The following PDE10A variants were observed in gnomAD, a reference collection of about 807,000 sequenced individuals.
The protein encoded by PDE10A is cAMP and cAMP-inhibited cGMP 3',5'-cyclic phosphodiesterase 10A.
Under a neutral mutation model 97.7 loss-of-function variants are expected in PDE10A, and 39 were observed. The observed-to-expected ratio is 0.40, with a 90% CI of 0.31 to 0.52. The LOEUF is 0.52. Ranked by LOEUF, PDE10A falls within the 20% of genes least tolerant of loss-of-function variation. The pLI is 0.56. For missense variants in PDE10A, 731 were observed against 1,047.8 expected (o/e 0.70, Z 4.17); for synonymous variants, 371 against 376.8 (o/e 0.98, Z 0.18).
rs114447851 is a variant in PDE10A at position 165,741,699 on chromosome 6, C to T, written c.-614-198131G>A. Among the ~76,000 whole-genome samples, 377 of 152,032 alleles carry T rather than the reference C, an allele frequency of 2.5e-3. 3 individuals carry two copies. The highest frequency in any genetic ancestry group is 8.6e-3 in the African/African-American group (358 of 41,452). On this transcript the variant is annotated intron_variant, in intron 1 of 19. Transcript: ENST00000366882. ...CATATATAGTAAATTTTAAAATATG[C>T]ATGCCAATGAAAACTACTAAATTCA...
chr6:165,370,006 AT>A (rs144972706), intron 18 of PDE10A, among the ~76,000 whole-genome samples: 70,808 of 151,620 alleles, frequency 0.47, 17,417 homozygotes, highest in African/African-American at 0.63. Flanking sequence ...GAGAAATAAA[AT>A]ACTTTACAGA....
At chr6:165,576,396 C>T (rs374067727) in intron 1 of PDE10A, 8 of 780,664 alleles carry the variant, frequency 1.0e-5, no homozygotes, top group East Asian at 4.8e-5. Context: ...TTGCTGGCTT[C>T]GTGTCCTCTA....
chr6:165,753,231 G>A lies in PDE10A; in HGVS notation c.-614-209663C>T, dbSNP rs188343721. Among the ~76,000 whole-genome samples the A allele has an allele frequency of 3.3e-5, 5 of 152,306 alleles. No individual in the cohort carries two copies. In the East Asian group the frequency reaches 7.7e-4, roughly 23 times the overall value. On this transcript the variant is annotated intron_variant, in intron 1 of 19. Coordinates refer to the PDE10A transcript ENST00000366882. ...TAGCCATTAGAAATGCAACTTATAA[G>A]TTGATGTCATCTAGTGTTGAATTTT...
intron 17 of PDE10A, among the ~76,000 whole-genome samples, chr6:165,385,281 G>A (rs748482162): frequency 2.6e-5 from 4 of 152,170 alleles, no homozygotes; most frequent in Non-Finnish European, 5.9e-5. Context: ...TGCCACCACA[G>A]AGATATAAAA....
At chr6:165,538,793 A>G (rs1783249779) in intron 2 of PDE10A, among the ~76,000 whole-genome samples, 1 of 152,178 alleles carries the variant, frequency 6.6e-6, no homozygotes, top group South Asian at 2.1e-4. Flanking sequence ...AAAACAATGG[A>G]CCTTCATTAT....
At chr6:165,914,315 T>C (rs1782545951) in intron 1 of PDE10A, among the ~76,000 whole-genome samples, 2 of 152,234 alleles carry the variant, frequency 1.3e-5, no homozygotes, top group African/African-American at 4.8e-5. Flanking sequence ...CAACTTAAAG[T>C]TGCCCTCCAA....
intron 1 of PDE10A, among the ~76,000 whole-genome samples, chr6:165,656,030 G>A (rs1481733691): frequency 7.2e-5 from 11 of 151,990 alleles, no homozygotes; most frequent in Non-Finnish European, 1.2e-4. Flanking sequence ...GCCACTCTCC[G>A]TGTGCATTCG....
chr6:165,539,947 T>C (rs555231367), intron 2 of PDE10A, among the ~76,000 whole-genome samples: 8 of 130,110 alleles, frequency 6.1e-5, no homozygotes, highest in South Asian at 2.3e-4. Context: ...ATCAATTATA[T>C]AATATCTTCC....
intron 1 of PDE10A, among the ~76,000 whole-genome samples, chr6:165,865,165 G>A (rs1036938480): frequency 6.6e-6 from 1 of 152,112 alleles, no homozygotes; most frequent in Non-Finnish European, 1.5e-5. Flanking sequence ...CTTAGCCACT[G>A]AAAAACTCAC....
At chr6:165,749,389 T>C (rs1348667711) in intron 1 of PDE10A, among the ~76,000 whole-genome samples, 2 of 59,472 alleles carry the variant, frequency 3.4e-5, no homozygotes, top group African/African-American at 1.1e-4. Flanking sequence ...ACCACCATCA[T>C]CACCATTACC....
intron 13 of PDE10A, among the ~76,000 whole-genome samples, chr6:165,406,019 C>T (rs1449371932): frequency 6.6e-6 from 1 of 151,638 alleles, no homozygotes; most frequent in African/African-American, 2.4e-5. Context: ...GTGGAACGAA[C>T]AAATGTCCAT....
chr6:165,866,549 G>A (rs1393831081), intron 1 of PDE10A, among the ~76,000 whole-genome samples: 1 of 151,414 alleles, frequency 6.6e-6, no homozygotes, highest in Non-Finnish European at 1.5e-5. Flanking sequence ...GCTGCATTTA[G>A]AATAATAATG....
chr6:165,621,510 C>G lies in PDE10A; in HGVS notation c.865+40437G>C, dbSNP rs1788132942. Among the ~76,000 whole-genome samples, 3 of 152,244 alleles carry G rather than the reference C, an allele frequency of 2.0e-5. No homozygotes were observed. In the South Asian group the frequency reaches 6.2e-4, roughly 32 times the overall value. On this transcript the variant is annotated intron_variant, in intron 1 of 21. Coordinates refer to ENST00000539869, the MANE Select transcript of PDE10A (RefSeq NM_001385079.1). ...CAGTGGCTCACGCCTGTAATCCCAGCACTTTGGAAGGCTGAGGCAGGTGGA... is the reference window on the plus strand; with the variant it reads ...CAGTGGCTCACGCCTGTAATCCCAGGACTTTGGAAGGCTGAGGCAGGTGGA...
chr6:165,958,489 A>G (rs530825215), intron 1 of PDE10A, among the ~76,000 whole-genome samples: 18 of 140,456 alleles, frequency 1.3e-4, no homozygotes, highest in Admixed American at 4.7e-4. Flanking sequence ...AGAGAGAAAG[A>G]GAGAAAGACA....
At chr6:165,786,412 A>G (rs1392953911) in intron 1 of PDE10A, among the ~76,000 whole-genome samples, 2 of 152,240 alleles carry the variant, frequency 1.3e-5, no homozygotes, top group African/African-American at 4.8e-5. Flanking sequence ...TTTCCAAAAC[A>G]TCACTAACTC....
Position 165,358,074 on chromosome 6 carries a change from T to C in PDE10A, c.2784-14572A>G, listed in dbSNP as rs1177654178. Among the ~76,000 whole-genome samples, 7 of 152,126 alleles carry C rather than the reference T, an allele frequency of 4.6e-5. No homozygotes were observed. The East Asian group carries it at 1.3e-3, about 29-fold the overall frequency. On this transcript the variant is annotated intron_variant, in intron 18 of 21. Transcript: ENST00000539869. Reference sequence around the variant, plus strand: ...CCCGTGGAGTGTCTCTTTTGACTCATGGGTTATTTAGAAGTATACTGTTTA... The same window carrying C: ...CCCGTGGAGTGTCTCTTTTGACTCACGGGTTATTTAGAAGTATACTGTTTA...
intron 1 of PDE10A, among the ~76,000 whole-genome samples, chr6:165,720,140 T>A (rs59423505): frequency 0.01 from 1,596 of 152,226 alleles, 31 homozygotes; most frequent in African/African-American, 0.037. Context: ...ACAGCAGAAA[T>A]AAGAGGCTTG....
rs747807079 is a variant in PDE10A at position 165,364,667 on chromosome 6, C to A, written c.2783+14527G>T. Among the ~76,000 whole-genome samples, 9 of 151,950 alleles carry A rather than the reference C, an allele frequency of 5.9e-5. No individual in the cohort carries two copies. In the South Asian group the frequency reaches 1.0e-3, roughly 17 times the overall value. ...CCAAAACTTAAAATTAGTGTAATTA[C>A]ACCTAAATAAAGTTGCTTTAACAAT... On this transcript the variant is annotated intron_variant, in intron 18 of 21. Coordinates refer to ENST00000539869, the MANE Select transcript of PDE10A (RefSeq NM_001385079.1).
intron 1 of PDE10A, among the ~76,000 whole-genome samples, chr6:165,871,583 G>C (rs1781205495): frequency 6.6e-6 from 1 of 152,200 alleles, no homozygotes; most frequent in Admixed American, 6.5e-5. Flanking sequence ...AGTAAGACTA[G>C]TTTAGGATAA....
Sources: gnomAD v4.1 joint callset for allele counts (sites outside exome capture counted in the v4.1 genomes callset) on GRCh38, gnomAD v4.1.1 for gene constraint, MANE v1.5 for transcripts, NCBI Gene and HGNC (gene_info 2026-07-23, HGNC 2026-07-21) for gene names.